The following STRADB variants were observed in gnomAD, a reference collection of about 807,000 sequenced individuals.
STRADB encodes the protein STE20 related adaptor beta.
Under a neutral mutation model 52.1 loss-of-function variants are expected in STRADB, and 34 were observed. The observed-to-expected ratio is 0.65, with a 90% CI of 0.50 to 0.87. STRADB has a LOEUF of 0.87. Ranked by LOEUF, STRADB falls within the 40% of genes least tolerant of loss-of-function variation. The pLI, the probability that STRADB is intolerant of heterozygous loss-of-function variation, is 0.00. For missense variants in STRADB, 340 were observed against 483.9 expected (o/e 0.70, Z 2.79); for synonymous variants, 133 against 174.5 (o/e 0.76, Z 1.87).
chr2:201,476,981 CAAAAAAAA>C (rs749872871), intron 7 of STRADB, among the ~76,000 whole-genome samples: 6 of 30,052 alleles, frequency 2.0e-4, no homozygotes, highest in Non-Finnish European at 3.4e-4. Flanking sequence ...GATTCTGTCT[CAAAAAAAA>C]AAAAAAAAAA....
chr2:201,476,359 T>C (rs1056577301), intron 7 of STRADB, among the ~76,000 whole-genome samples: 1 of 119,232 alleles, frequency 8.4e-6, no homozygotes, highest in Admixed American at 8.0e-5. Flanking sequence ...TTTGTCTTAC[T>C]TTTTTTTTTT....
chr2:201,471,480 C>A (rs1050640595), intron 4 of STRADB, among the ~76,000 whole-genome samples: 7 of 152,282 alleles, frequency 4.6e-5, no homozygotes, highest in African/African-American at 1.4e-4. Context: ...ACAATAATAG[C>A]ATCTAACAGG....
intron 3 of STRADB, among the ~76,000 whole-genome samples, chr2:201,469,144 A>G (rs771695300): frequency 4.3e-4 from 66 of 152,254 alleles, no homozygotes; most frequent in Non-Finnish European, 6.3e-4. Flanking sequence ...AAGAGCCAAG[A>G]ATGTGAAAAG....
At position 201,477,732 on chromosome 2, in the gene STRADB, A is replaced by G. The variant is rs370450590; in HGVS notation, c.662A>G (p.Asp221Gly). 2 of 1,613,550 alleles carry G rather than the reference A, an allele frequency of 1.2e-6. No individual in the cohort carries two copies. The highest frequency in any genetic ancestry group is 1.7e-6 in the Non-Finnish European group (2 of 1,179,638). Residue 221 changes from aspartate (D) to glycine (G), a missense_variant, in exon 8 of 12, where the codon GAT (aspartate) becomes GGT (glycine). Transcript: ENST00000194530. ...KHGQRHRAVY[D>G]FPQFSTSVQP... is the part of the protein sequence containing the mutation. ...GGACAGAGGCATAGGGCTGTGTATG[A>G]TTTCCCACAGTTCAGCACATCAGTG...
rs1952363537 is a variant in STRADB at position 201,469,948 on chromosome 2, T to C, written c.94-5T>C. On this transcript the variant is annotated splice_polypyrimidine_tract_variant and splice_region_variant and intron_variant, in intron 3 of 11. Transcript: ENST00000194530. ...TTTTGTTTTTATCTTTAAAAACAAA[T>C]GCAGGTTGATGAGCCAACCCTTTCC... 2 of 1,610,960 alleles carry C rather than the reference T, an allele frequency of 1.2e-6. No individual in the cohort carries two copies. Among genetic ancestry groups the C allele is most frequent in the Non-Finnish European group, 1.7e-6 (2 of 1,178,018 alleles).
chr2:201,475,857 T>G (rs924352482), intron 7 of STRADB, 115 bp downstream of exon 7: 2 of 1,193,054 alleles, frequency 1.7e-6, no homozygotes, highest in Admixed American at 2.5e-5. Context: ...AACTTGTAAG[T>G]GAAAATTGAG....
rs1283070441 is a variant in STRADB, at chr2:201,478,616, T to G, written c.1070+15T>G. On this transcript the variant is annotated intron_variant, in intron 10 of 11. Transcript: ENST00000194530. ...CCTGAGAAAAGGTAATATTGATCTCTTTTAAATAGCACAAAATGTACATGT... is the reference window on the plus strand; with the variant it reads ...CCTGAGAAAAGGTAATATTGATCTCGTTTAAATAGCACAAAATGTACATGT... 1 of 1,610,168 alleles carries G rather than the reference T, an allele frequency of 6.2e-7. No homozygotes were observed. Among genetic ancestry groups the G allele is most frequent in the Non-Finnish European group, 8.5e-7 (1 of 1,178,476 alleles).
intron 3 of STRADB, among the ~76,000 whole-genome samples, chr2:201,463,915 G>C (rs758085404): frequency 1.3e-5 from 2 of 152,016 alleles, no homozygotes; most frequent in Admixed American, 6.5e-5. Flanking sequence ...ATTAGAATTT[G>C]CTTGATTTTT....
At position 201,473,049 on chromosome 2, in the gene STRADB, C is replaced by T. The variant is rs1952415785; in HGVS notation, c.288C>T (p.Cys96=). Residue 96 remains cysteine, a synonymous_variant, in exon 5 of 12, where the codon TGC becomes TGT. Transcript: ENST00000194530. Reference sequence around the variant, plus strand: ...TAAAAATTACAAATCTGGAAAACTGCAATGAAGAACGCCTGAAAGCTTTAC... The same window carrying T: ...TAAAAATTACAAATCTGGAAAACTGTAATGAAGAACGCCTGAAAGCTTTAC... The part of the protein sequence containing the change: ...VTIKITNLEN[C]NEERLKALQK... 6.2e-7 allele frequency: 1 copy of T among 1,612,792 alleles called. No individual in the cohort carries two copies. Among genetic ancestry groups the T allele is most frequent in the Non-Finnish European group, 8.5e-7 (1 of 1,179,604 alleles).
intron 1 of STRADB, among the ~76,000 whole-genome samples, chr2:201,453,567 G>A (rs927872593): frequency 3.3e-5 from 5 of 152,180 alleles, no homozygotes; most frequent in South Asian, 2.1e-4. Context: ...AGATCACTCC[G>A]GGGAATTTTA....
intron 3 of STRADB, chr2:201,460,700 C>CT (rs1359198929): frequency 1.9e-5 from 4 of 208,782 alleles, no homozygotes; most frequent in South Asian, 6.2e-5. Flanking sequence ...GTATCTCATT[C>CT]TTTTTTGTGG....
At chr2:201,458,072 T>C (rs967256919) in intron 2 of STRADB, among the ~76,000 whole-genome samples, 5 of 152,200 alleles carry the variant, frequency 3.3e-5, no homozygotes, top group Non-Finnish European at 7.3e-5. Flanking sequence ...TATCTTGTTA[T>C]AAAAGCCTCT....
chr2:201,474,462 GA>G (rs970941599), intron 5 of STRADB, among the ~76,000 whole-genome samples, 184 bp from the exon 6 acceptor site: 2 of 152,082 alleles, frequency 1.3e-5, no homozygotes, highest in Non-Finnish European at 2.9e-5. Context: ...GTTGTCTTCT[GA>G]AAAATGGGAA....
chr2:201,467,781 A>T (rs1021016384), intron 3 of STRADB, among the ~76,000 whole-genome samples: 1 of 152,116 alleles, frequency 6.6e-6, no homozygotes, highest in South Asian at 2.1e-4. Context: ...TCAATTATCC[A>T]TGGTGCTCCA....
chr2:201,454,046 G>A (rs1051733472), intron 1 of STRADB, among the ~76,000 whole-genome samples: 1 of 152,136 alleles, frequency 6.6e-6, no homozygotes, highest in African/African-American at 2.4e-5. Context: ...TCAAATTTGG[G>A]GAGTTGAAAT....
At chr2:201,473,421 A>G (rs949449331) in intron 5 of STRADB, among the ~76,000 whole-genome samples, 1 of 152,208 alleles carries the variant, frequency 6.6e-6, no homozygotes, top group Non-Finnish European at 1.5e-5. Context: ...CCAATGCTCC[A>G]TGGATACTAA....
Position 201,480,064 on chromosome 2 carries a change from A to G in STRADB, c.1146A>G (p.Ser382=). Residue 382 remains serine, a synonymous_variant, in exon 12 of 12, where the codon TCA becomes TCG. Transcript: ENST00000194530. ...MKEESQDSIL[S]LLPPAYNKPS... is the part of the protein sequence containing the mutation. Reference sequence around the variant, plus strand: ...AAGAAAGCCAGGATTCAATACTTTCACTGTTGCCTCCTGCTTATAACAAGC... The same window carrying G: ...AAGAAAGCCAGGATTCAATACTTTCGCTGTTGCCTCCTGCTTATAACAAGC... The G allele has an allele frequency of 6.2e-7, 1 of 1,613,866 alleles. No individual in the cohort carries two copies. Among genetic ancestry groups the G allele is most frequent in the Non-Finnish European group, 8.5e-7 (1 of 1,179,800 alleles).
At chr2:201,452,203 C>T (rs1415068878) in intron 1 of STRADB, among the ~76,000 whole-genome samples, 6 of 151,934 alleles carry the variant, frequency 3.9e-5, no homozygotes, top group Non-Finnish European at 2.9e-5. Flanking sequence ...GCCGGGTTGG[C>T]CGTGCCGGCC....
In STRADB at chr2:201,478,688, C is replaced by T. The variant is rs1443187863; in HGVS notation, c.1070+87C>T. On this transcript the variant is annotated intron_variant, in intron 10 of 11. Transcript: ENST00000194530. ...GTAACATTGCCCTTCCAGGAGAATA[C>T]AAATCTTTTGATCAAAATATTGTCT... The T allele has an allele frequency of 7.0e-6, 10 of 1,426,660 alleles. No individual in the cohort carries two copies. In the African/African-American group the frequency reaches 1.3e-4, roughly 18 times the overall value. 88.4% of individuals were successfully genotyped at this position (1,426,660 alleles called of 1,614,324 possible).
Sources: gnomAD v4.1 joint callset for allele counts (sites outside exome capture counted in the v4.1 genomes callset) on GRCh38, gnomAD v4.1.1 for gene constraint, MANE v1.5 for transcripts, NCBI Gene and HGNC (gene_info 2026-07-23, HGNC 2026-07-21) for gene names.